NETO1: variants seen among roughly 807,000 people sequenced by gnomAD.
NETO1 encodes the protein neuropilin and tolloid-like protein 1.
Under a neutral mutation model 61.3 loss-of-function variants are expected in NETO1, and 26 were observed. That is an observed-to-expected ratio of 0.42 (90% CI 0.31 to 0.59). The LOEUF (loss-of-function observed/expected upper bound fraction) is 0.59. Among genes scored for constraint, NETO1 ranks in the 20% least tolerant of loss-of-function variants. The pLI is 0.12. For synonymous variants in NETO1, 225 were observed against 225.8 expected, an observed-to-expected ratio of 1.00 and a Z score of 0.03; for missense variants, 531 against 662.8, an observed-to-expected ratio of 0.80 and a Z score of 2.18.
chr18:72,759,679 C>T (rs1217797899), intron 7 of NETO1, among the ~76,000 whole-genome samples: 6 of 152,186 alleles, frequency 3.9e-5, no homozygotes, highest in Non-Finnish European at 7.3e-5. Context: ...AGCATGTATT[C>T]TCAGAAACTA....
intron 8 of NETO1, among the ~76,000 whole-genome samples, chr18:72,753,571 C>T (rs1833508600): frequency 6.6e-6 from 1 of 152,132 alleles, no homozygotes; most frequent in South Asian, 2.1e-4. Context: ...CCAGTGAGTT[C>T]AGACAGTAAC....
intron 7 of NETO1, among the ~76,000 whole-genome samples, chr18:72,768,202 C>T (rs2071228935): frequency 6.6e-6 from 1 of 152,062 alleles, no homozygotes; most frequent in Non-Finnish European, 1.5e-5. Flanking sequence ...TCTATACTTG[C>T]CCAAAGTCAT....
At chr18:72,867,096 C>G in intron 1 of NETO1, 168 bp downstream of exon 1, 2 of 505,784 alleles carry the variant, frequency 4.0e-6, no homozygotes, top group East Asian at 3.5e-5. Context: ...CCCCCACGCC[C>G]GGTTCCACGA....
At chr18:72,838,478 T>G (rs992463035) in intron 4 of NETO1, among the ~76,000 whole-genome samples, 1 of 152,208 alleles carries the variant, frequency 6.6e-6, no homozygotes, top group Non-Finnish European at 1.5e-5. Flanking sequence ...TGTAGGTAAC[T>G]TATACATTAT....
At chr18:72,863,686 T>C (rs1394586515) in intron 3 of NETO1, among the ~76,000 whole-genome samples, 1 of 151,680 alleles carries the variant, frequency 6.6e-6, no homozygotes, top group Non-Finnish European at 1.5e-5. Flanking sequence ...AAATAGAGAG[T>C]CTTAAAATTG....
At chr18:72,852,705 G>A (rs2074288963) in intron 4 of NETO1, among the ~76,000 whole-genome samples, 1 of 151,840 alleles carries the variant, frequency 6.6e-6, no homozygotes, top group African/African-American at 2.4e-5. Context: ...CTCCTCCTGA[G>A]CCCACTATTA....
intron 4 of NETO1, 33 bp downstream of exon 4, chr18:72,858,792 GA>G: frequency 1.3e-6 from 2 of 1,557,950 alleles, no homozygotes; most frequent in Admixed American, 2.0e-5. Context: ...AAATGAGGAA[GA>G]AAAAGAAATT....
At chr18:72,822,548 G>A (rs568971873) in intron 4 of NETO1, among the ~76,000 whole-genome samples, 7 of 152,314 alleles carry the variant, frequency 4.6e-5, no homozygotes, top group African/African-American at 1.7e-4. Context: ...TTTGAAAAAC[G>A]AGAGAATTCG....
chr18:72,776,323 C>T (rs1486722648), intron 7 of NETO1, among the ~76,000 whole-genome samples: 1 of 152,160 alleles, frequency 6.6e-6, no homozygotes, highest in Non-Finnish European at 1.5e-5. Flanking sequence ...AACATCAAGC[C>T]GTTAGGTATT....
At chr18:72,809,911 C>A (rs1222534351) in intron 4 of NETO1, among the ~76,000 whole-genome samples, 1 of 152,206 alleles carries the variant, frequency 6.6e-6, no homozygotes, top group Non-Finnish European at 1.5e-5. Flanking sequence ...TAATATATAG[C>A]ATCATATGCT....
chr18:72,800,639 G>C (rs1260604095), intron 4 of NETO1, among the ~76,000 whole-genome samples: 2 of 152,028 alleles, frequency 1.3e-5, no homozygotes, highest in Admixed American at 6.6e-5. Context: ...GAATCATCTG[G>C]AAACCATCCC....
chr18:72,777,346 A>AG (rs570702609), intron 7 of NETO1, among the ~76,000 whole-genome samples: 1 of 144,928 alleles, frequency 6.9e-6, no homozygotes, highest in South Asian at 2.3e-4. Context: ...TGAACCCGGG[A>AG]GGGGGGAGGT....
intron 4 of NETO1, among the ~76,000 whole-genome samples, chr18:72,810,048 T>C (rs1376115543): frequency 6.6e-6 from 1 of 152,246 alleles, no homozygotes. Context: ...TTGTGTCTAA[T>C]GTCACTGTTT....
chr18:72,748,976 C>T (rs754583331), intron 10 of NETO1, 38 bp downstream of exon 10: 47 of 1,302,996 alleles, frequency 3.6e-5, no homozygotes, highest in Middle Eastern at 3.7e-4. Context: ...AAACAGAATA[C>T]GACAAAGTAG....
intron 7 of NETO1, among the ~76,000 whole-genome samples, chr18:72,764,762 C>A (rs1282729667): frequency 6.6e-6 from 1 of 152,150 alleles, no homozygotes; most frequent in African/African-American, 2.4e-5. Flanking sequence ...CCACATTTTC[C>A]TTTTTAATTC....
Position 72,751,050 on chromosome 18 carries a change from T to TAC in NETO1, c.983-432_983-431dup, listed in dbSNP as rs764681364. ...CATCGTCCAGCATCTCATCTTAAAA[T>TAC]ACACACACACACACACACACACACA... is the stretch of plus-strand genomic sequence containing the variant. On this transcript the variant is annotated intron_variant, in intron 8 of 10. Transcript: ENST00000327305. 4.4e-3 allele frequency among the ~76,000 whole-genome samples: 613 copies of TAC among 138,082 alleles called. 5 individuals are homozygous for TAC. The East Asian group carries it at 0.054, about 12-fold the overall frequency. 90.6% of individuals were successfully genotyped at this position (138,082 alleles called of 152,430 possible). A position where few individuals can be genotyped will look rare whatever the true frequency, so the allele number is the denominator to read the frequency against.
At chr18:72,857,503 T>A (rs2074442474) in intron 4 of NETO1, among the ~76,000 whole-genome samples, 1 of 152,190 alleles carries the variant, frequency 6.6e-6, no homozygotes. Flanking sequence ...ATTATTTTCA[T>A]GATCACCAAA....
intron 4 of NETO1, among the ~76,000 whole-genome samples, chr18:72,831,076 C>T (rs950261104): frequency 6.6e-6 from 1 of 152,134 alleles, no homozygotes; most frequent in Non-Finnish European, 1.5e-5. Flanking sequence ...TTCTGGCCAG[C>T]CATTTCAGTA....
intron 7 of NETO1, among the ~76,000 whole-genome samples, chr18:72,782,348 G>T (rs1016553915): frequency 6.6e-6 from 1 of 152,150 alleles, no homozygotes; most frequent in African/African-American, 2.4e-5. Flanking sequence ...ATGACAGAAC[G>T]ATTTATACTC....
Sources: gnomAD v4.1 joint callset for allele counts (sites outside exome capture counted in the v4.1 genomes callset) on GRCh38, gnomAD v4.1.1 for gene constraint, MANE v1.5 for transcripts, NCBI Gene and HGNC (gene_info 2026-07-23, HGNC 2026-07-21) for gene names.